The following MCUR1 variants were observed in gnomAD, a reference collection of about 807,000 sequenced individuals.
MCUR1 encodes MCU regulator 1.
Under a neutral mutation model 42.0 loss-of-function variants are expected in MCUR1, and 37 were observed. The observed-to-expected ratio is 0.88, with a 90% CI of 0.68 to 1.16. The LOEUF (loss-of-function observed/expected upper bound fraction) is 1.16. MCUR1 is among the 50% of genes most tolerant of loss of function. The pLI, the probability that MCUR1 is intolerant of heterozygous loss-of-function variation, is 0.00. For synonymous variants in MCUR1, 229 were observed against 196.2 expected (o/e 1.17, Z -1.40); for missense variants, 469 against 468.4 (o/e 1.00, Z -0.01).
intron 2 of MCUR1, among the ~76,000 whole-genome samples, chr6:13,805,559 G>A (rs529495776): frequency 6.6e-6 from 1 of 152,320 alleles, no homozygotes; most frequent in South Asian, 2.1e-4. Flanking sequence ...TCCTAAGCTA[G>A]GCAACTAGAA....
rs1759679465 is a variant in MCUR1, at chr6:13,789,630, C to T, written c.*1179G>A. On this transcript the variant is annotated 3_prime_UTR_variant, in exon 9 of 9. Transcript: ENST00000379170. ...TTTCATTTATGAAATATGTATCCAT[C>T]ATCTAGGTATCTTATACATGGAGAG... 6.6e-6 allele frequency: 1 copy of T among 152,170 alleles called. No homozygotes were observed. Among genetic ancestry groups the T allele is most frequent in the Non-Finnish European group, 1.5e-5 (1 of 68,042 alleles). The allele number at this position is 152,170 out of a possible 1,614,324, so 9.4% of individuals were successfully genotyped here.
At chr6:13,804,803 A>AC (rs1359351075) in intron 2 of MCUR1, among the ~76,000 whole-genome samples, 1 of 151,424 alleles carries the variant, frequency 6.6e-6, no homozygotes, top group Non-Finnish European at 1.5e-5. Context: ...AAAAAAAAAA[A>AC]AAAAAAAAAA....
chr6:13,794,093 C>A, intron 6 of MCUR1, 146 bp from the exon 7 acceptor site: 4 of 606,198 alleles, frequency 6.6e-6, no homozygotes, highest in Non-Finnish European at 1.2e-5. Context: ...CTACCTGCTT[C>A]TTTATATGTG....
At chr6:13,802,135 T>C in intron 3 of MCUR1, 108 bp downstream of exon 3, 1 of 738,466 alleles carries the variant, frequency 1.4e-6, no homozygotes, top group African/African-American at 1.8e-5. Flanking sequence ...TAAAAGTTAC[T>C]ATATACTTTT....
At position 13,800,395 on chromosome 6, in the gene MCUR1, A is replaced by T. The variant is rs201382814; in HGVS notation, c.742-13T>A. ...CGAGTTTTATTTTCTAAAAACACATAAAAAAAAAGTCATTAGAAAGAACAA... is the reference window on the plus strand; with the variant it reads ...CGAGTTTTATTTTCTAAAAACACATTAAAAAAAAGTCATTAGAAAGAACAA... On this transcript the variant is annotated splice_polypyrimidine_tract_variant and intron_variant, in intron 4 of 8. Transcript: ENST00000379170. 2.8e-4 allele frequency: 108 copies of T among 380,466 alleles called. 1 individual carries two copies. In the Middle Eastern group the frequency reaches 6.0e-3, roughly 21 times the overall value. The allele number at this position is 380,466 out of a possible 1,614,324, so 23.6% of individuals were successfully genotyped here.
intron 7 of MCUR1, among the ~76,000 whole-genome samples, chr6:13,793,689 G>T (rs1244624250): frequency 2.0e-5 from 3 of 152,214 alleles, no homozygotes; most frequent in African/African-American, 7.2e-5. Context: ...CCCAAAATGT[G>T]AATGTACTTT....
At chr6:13,793,125 CAAAAA>C (rs781438643) in intron 7 of MCUR1, among the ~76,000 whole-genome samples, 1 of 87,874 alleles carries the variant, frequency 1.1e-5, no homozygotes, top group South Asian at 3.8e-4. Context: ...GACCCCACCT[CAAAAA>C]AAAAAAAAAA....
Position 13,786,636 on chromosome 6 carries a change from CAT to C in MCUR1, c.*4171_*4172del, listed in dbSNP as rs1476199420. 1 of 152,124 alleles carries C rather than the reference CAT, an allele frequency of 6.6e-6. No homozygotes were observed. The highest frequency in any genetic ancestry group is 2.4e-5 in the African/African-American group (1 of 41,422). The allele number at this position is 152,124 out of a possible 1,614,324, so 9.4% of individuals were successfully genotyped here. ...TTACTTAGAAATTCACCAGTGTTAT[CAT>C]TATACAATTGGCTGGAATTAACAGT... On this transcript the variant is annotated 3_prime_UTR_variant, in exon 9 of 9. Coordinates refer to ENST00000379170, the MANE Select transcript of MCUR1 (RefSeq NM_001031713.4).
chr6:13,806,340 G>C (rs1299382202), intron 2 of MCUR1, among the ~76,000 whole-genome samples: 1 of 152,200 alleles, frequency 6.6e-6, no homozygotes, highest in Non-Finnish European at 1.5e-5. Flanking sequence ...CAATTTCACA[G>C]GATTTTAAAA....
chr6:13,802,831 T>A (rs565343925), intron 2 of MCUR1, among the ~76,000 whole-genome samples: 40 of 152,340 alleles, frequency 2.6e-4, no homozygotes, highest in African/African-American at 9.1e-4. Flanking sequence ...TTTCCTTAAA[T>A]AGGAAAGCTC....
At chr6:13,795,051 T>A (rs1250111311) in intron 6 of MCUR1, among the ~76,000 whole-genome samples, 1 of 151,282 alleles carries the variant, frequency 6.6e-6, no homozygotes, top group East Asian at 1.9e-4. Context: ...AAGAAAAAGT[T>A]AATCCTTTGA....
intron 1 of MCUR1, among the ~76,000 whole-genome samples, 163 bp downstream of exon 1, chr6:13,813,852 G>A (rs1047720271): frequency 1.3e-5 from 2 of 152,178 alleles, no homozygotes; most frequent in African/African-American, 4.8e-5. Flanking sequence ...CGAGCAGGGC[G>A]GGCCCGGACC....
rs1759677938 is a variant in MCUR1, at chr6:13,789,504, A to G, written c.*1305T>C. The G allele has an allele frequency of 1.3e-5, 2 of 152,204 alleles. No individual in the cohort carries two copies. Among genetic ancestry groups the G allele is most frequent in the East Asian group, 3.8e-4 (2 of 5,200 alleles). The allele number at this position is 152,204 out of a possible 1,614,324, so 9.4% of individuals were successfully genotyped here. A position where few individuals can be genotyped will look rare whatever the true frequency, so the allele number is the denominator to read the frequency against. ...GGTATGAGAATGTTTTGAACAACAG[A>G]ATTAATCCATCTAGATTAGAATGCT... On this transcript the variant is annotated 3_prime_UTR_variant, in exon 9 of 9. Transcript: ENST00000379170.
rs1224925621 is a variant in MCUR1, at chr6:13,814,326, T to C, written c.104A>G (p.Glu35Gly). ...AGAGAGGCAGCGGCGTGCTGAGGTT[T>C]CGCTGCCGCCCGGTCTTCCGCTGAG... The part of the protein sequence containing the change: ...VGLSGRPGGS[E>G]TSARRCLSAL... Residue 35 changes from glutamate (E) to glycine (G), a missense_variant, in exon 1 of 9, where the codon GAA becomes GGA. Coordinates refer to ENST00000379170, the MANE Select transcript of MCUR1 (RefSeq NM_001031713.4). 1 of 1,507,634 alleles carries C rather than the reference T, an allele frequency of 6.6e-7. No individual in the cohort carries two copies. Among genetic ancestry groups the C allele is most frequent in the Admixed American group, 2.1e-5 (1 of 48,450 alleles). 93.4% of individuals were successfully genotyped at this position (1,507,634 alleles called of 1,614,324 possible). A position where few individuals can be genotyped will look rare whatever the true frequency, so the allele number is the denominator to read the frequency against.
In MCUR1 at chr6:13,806,922, T is replaced by C. The variant is rs1760122939; in HGVS notation, c.535+3A>G. On this transcript the variant is annotated splice_donor_region_variant and intron_variant, in intron 2 of 8. Transcript: ENST00000379170. ...CACTAAATGACGAATGACAGAGGAT[T>C]ACCATTGTCTTCCAGTAAGCACACT... 5.0e-6 allele frequency: 8 copies of C among 1,597,492 alleles called. No individual in the cohort carries two copies. The highest frequency in any genetic ancestry group is 6.0e-6 in the Non-Finnish European group (7 of 1,168,772).
At position 13,814,183 on chromosome 6, in the gene MCUR1, C is replaced by A; in HGVS notation, c.247G>T (p.Ala83Ser). The A allele has an allele frequency of 7.3e-7, 1 of 1,371,848 alleles. No homozygotes were observed. The highest frequency in any genetic ancestry group is 9.3e-7 in the Non-Finnish European group (1 of 1,070,994). 85.0% of individuals were successfully genotyped at this position (1,371,848 alleles called of 1,614,324 possible). A position where few individuals can be genotyped will look rare whatever the true frequency, so the allele number is the denominator to read the frequency against. ...TCCCCGAGCTGCCGGCGCGGGGCTG[C>A]GGCGGCCAAGCGCGGGGAGGGCACT... ...LLVPSPRLAAAAPRRQLGDWE... is the reference protein window; with the variant it reads ...LLVPSPRLAASAPRRQLGDWE... Residue 83 changes from alanine (A) to serine (S), a missense_variant, in exon 1 of 9, where the codon GCA becomes TCA. Coordinates refer to ENST00000379170, the MANE Select transcript of MCUR1 (RefSeq NM_001031713.4).
At chr6:13,800,875 A>G (rs567403983) in intron 4 of MCUR1, among the ~76,000 whole-genome samples, 9 of 152,334 alleles carry the variant, frequency 5.9e-5, no homozygotes, top group African/African-American at 2.2e-4. Context: ...AAAGAAACAC[A>G]AGAGATATTT....
chr6:13,796,212 A>C (rs988233256), intron 6 of MCUR1, among the ~76,000 whole-genome samples: 1 of 152,176 alleles, frequency 6.6e-6, no homozygotes, highest in Non-Finnish European at 1.5e-5. Context: ...AAGAACACTG[A>C]ATGAATCCAC....
In MCUR1 at chr6:13,790,780, A is replaced by G. The variant is rs775486108; in HGVS notation, c.*29T>C. Reference sequence around the variant, plus strand: ...CAATCTGGTATTCTTAAGGCAAAACAGTAGAAATCACTTTAAATAGACACT... The same window carrying G: ...CAATCTGGTATTCTTAAGGCAAAACGGTAGAAATCACTTTAAATAGACACT... On this transcript the variant is annotated 3_prime_UTR_variant, in exon 9 of 9. Coordinates refer to ENST00000379170, the MANE Select transcript of MCUR1 (RefSeq NM_001031713.4). 1 of 1,582,840 alleles carries G rather than the reference A, an allele frequency of 6.3e-7. No individual in the cohort carries two copies. Among genetic ancestry groups the G allele is most frequent in the South Asian group, 1.1e-5 (1 of 89,504 alleles).
Sources: allele counts gnomAD v4.1 joint callset (sites outside exome capture counted in the v4.1 genomes callset), GRCh38; gene constraint gnomAD v4.1.1; transcripts MANE v1.5; gene names NCBI Gene and HGNC (gene_info 2026-07-23, HGNC 2026-07-21).